Variants in BRWD1 observed in about 807,000 individuals in gnomAD.
The protein encoded by BRWD1 is bromodomain and WD repeat domain containing 1.
Under a neutral mutation model 251.2 loss-of-function variants are expected in BRWD1, and 82 were observed. The observed-to-expected ratio is 0.33, with a 90% CI of 0.27 to 0.39. The LOEUF is 0.39. Among genes scored for constraint, BRWD1 ranks in the 10% least tolerant of loss-of-function variants. The pLI is 1.00. For missense variants in BRWD1, 2,233 were observed against 2,711.6 expected (o/e 0.82, Z 3.92); for synonymous variants, 918 against 902.8 (o/e 1.02, Z -0.30).
At position 39,265,619 on chromosome 21, in the gene BRWD1, T is replaced by C. The variant is rs1185309159; in HGVS notation, c.1531-600A>G. The stretch of plus-strand genomic sequence containing the variant: ...AAGTGAAGGCTTCTTTTACTTCTTA[T>C]AAACAATTTCATAAATTTTTGTCTT... On this transcript the variant is annotated intron_variant, in intron 15 of 40. Transcript: ENST00000342449. Among the ~76,000 whole-genome samples, 6 of 152,250 alleles carry C rather than the reference T, an allele frequency of 3.9e-5. No individual in the cohort carries two copies. The East Asian group carries it at 9.6e-4, about 24-fold the overall frequency.
intron 40 of BRWD1, among the ~76,000 whole-genome samples, chr21:39,197,726 A>C (rs2031897719): frequency 6.6e-6 from 1 of 152,232 alleles, no homozygotes; most frequent in African/African-American, 2.4e-5. Context: ...CCTGTATGAC[A>C]TGCTACTGTT....
At chr21:39,233,969 G>A (rs985752980) in intron 23 of BRWD1, among the ~76,000 whole-genome samples, 1 of 152,174 alleles carries the variant, frequency 6.6e-6, no homozygotes, top group Non-Finnish European at 1.5e-5. Flanking sequence ...GCAGTGAGCC[G>A]AGATTGCCCC....
chr21:39,187,040 C>A lies in BRWD1; in HGVS notation c.*9219G>T, dbSNP rs1423833608. The stretch of plus-strand genomic sequence containing the variant: ...TCTCATAGTCACTATTGTGCATTTT[C>A]TTTCCAGGATCTGAACCCCCTTAAA... On this transcript the variant is annotated 3_prime_UTR_variant, in exon 41 of 41. Coordinates refer to ENST00000342449, the MANE Select transcript of BRWD1 (RefSeq NM_033656.4). 6.4e-7 allele frequency: 1 copy of A among 1,564,220 alleles called. No individual in the cohort carries two copies. Among genetic ancestry groups the A allele is most frequent in the Non-Finnish European group, 8.6e-7 (1 of 1,161,866 alleles).
At chr21:39,214,840 T>C (rs902010493) in intron 32 of BRWD1, among the ~76,000 whole-genome samples, 6 of 151,482 alleles carry the variant, frequency 4.0e-5, no homozygotes, top group Admixed American at 6.6e-5. Flanking sequence ...TAAAAAAGTA[T>C]AGTTCTGAGT....
At chr21:39,288,121 T>C (rs1057105182) in intron 8 of BRWD1, among the ~76,000 whole-genome samples, 2 of 152,154 alleles carry the variant, frequency 1.3e-5, no homozygotes, top group Non-Finnish European at 1.5e-5. Flanking sequence ...AATGGCTTAT[T>C]CACATGGCTA....
chr21:39,242,581 T>A (rs1386893904), intron 21 of BRWD1, among the ~76,000 whole-genome samples: 1 of 152,196 alleles, frequency 6.6e-6, no homozygotes, highest in African/African-American at 2.4e-5. Flanking sequence ...AGATTTTAAA[T>A]GCAGATGAAA....
At chr21:39,311,314 C>A (rs1044137051) in intron 4 of BRWD1, among the ~76,000 whole-genome samples, 7 of 151,986 alleles carry the variant, frequency 4.6e-5, no homozygotes, top group African/African-American at 1.7e-4. Flanking sequence ...ACTACAGGCA[C>A]GCACCACCAC....
At chr21:39,213,580 G>A (rs1171149403) in intron 32 of BRWD1, 27 bp from the exon 33 acceptor site, 1 of 1,456,606 alleles carries the variant, frequency 6.9e-7, no homozygotes, top group Non-Finnish European at 9.5e-7. Context: ...CACTTTAATA[G>A]TATGCAGATG....
In BRWD1 at chr21:39,198,871, G is replaced by C. The variant is rs764826318; in HGVS notation, c.5545C>G (p.Leu1849Val). ...GACATAGCAATAGGGTCACAGTTCA[G>C]ATTTCCTGAAATTGGGTTCATTTCC... Reference protein sequence around the residue: ...KMEMNPISGNLNCDPIAMSQC... With the variant: ...KMEMNPISGNVNCDPIAMSQC... The change falls in exon 40 of 41, where the codon CTG becomes GTG. Residue 1849 changes from leucine to valine, a missense_variant. By Grantham distance (32) the Leu-to-Val change is conservative. This residue lies in a region of BRWD1 where 928 missense variants were observed against 970.0 expected (regional missense o/e 0.96). Transcript: ENST00000342449. 3 of 1,614,100 alleles carry C rather than the reference G, an allele frequency of 1.9e-6. No individual in the cohort carries two copies. In the South Asian group the frequency reaches 3.3e-5, roughly 18 times the overall value.
chr21:39,187,117 A>T lies in BRWD1; in HGVS notation c.*9142T>A, dbSNP rs768212257. ...TAGCTCTTTTTCACTTTCAGAATTTATGGTTGTATCATCCTCTTTATAAAC... is the reference window on the plus strand; with the variant it reads ...TAGCTCTTTTTCACTTTCAGAATTTTTGGTTGTATCATCCTCTTTATAAAC... On this transcript the variant is annotated 3_prime_UTR_variant, in exon 41 of 41. Coordinates refer to ENST00000342449, the MANE Select transcript of BRWD1 (RefSeq NM_033656.4). 6.2e-7 allele frequency: 1 copy of T among 1,609,640 alleles called. No individual in the cohort carries two copies. Among genetic ancestry groups the T allele is most frequent in the Admixed American group, 1.7e-5 (1 of 59,050 alleles).
Position 39,213,540 on chromosome 21 carries a change from T to A in BRWD1, c.3799A>T (p.Thr1267Ser). ...LLKFIKNQHCTNISELSNTSE... is the reference protein window; with the variant it reads ...LLKFIKNQHCSNISELSNTSE... ...GTGTTAGAAAGTTCTGAGATATTTG[T>A]ACAGTGTTGATTCCTAAAAAACAAA... The change falls in exon 33 of 41, where the codon ACA becomes TCA. Residue 1267 changes from threonine to serine, a missense_variant. Around this residue, in one of 12 missense-constraint regions of BRWD1, gnomAD observed 167 missense variants for 183.2 expected, o/e 0.91. Transcript: ENST00000342449. The A allele has an allele frequency of 1.9e-6, 3 of 1,610,828 alleles. No individual in the cohort carries two copies. Among genetic ancestry groups the A allele is most frequent in the Non-Finnish European group, 2.5e-6 (3 of 1,178,398 alleles).
intron 23 of BRWD1, among the ~76,000 whole-genome samples, chr21:39,233,945 G>A (rs1000330008): frequency 5.9e-5 from 9 of 152,168 alleles, no homozygotes; most frequent in African/African-American, 9.7e-5. Context: ...GCTTGAACAC[G>A]GGAGGTGGAG....
At position 39,195,742 on chromosome 21, in the gene BRWD1, G is replaced by GA. The variant is rs35266341; in HGVS notation, c.*516dup. On this transcript the variant is annotated 3_prime_UTR_variant, in exon 41 of 41. Transcript: ENST00000342449. ...CATTCTACTCAAGTAGCCAGGGGAA[G>GA]AAAAAAAAAAAAGTGGTAGGTACCT... 17,353 of 806,646 alleles carry GA rather than the reference G, an allele frequency of 0.022. 56 individuals are homozygous for GA. The highest frequency in any genetic ancestry group is 0.059 in the African/African-American group (3,160 of 53,406). The allele number at this position is 806,646 out of a possible 1,614,324, so 50.0% of individuals were successfully genotyped here. A position where few individuals can be genotyped will look rare whatever the true frequency, so the allele number is the denominator to read the frequency against.
Position 39,269,954 on chromosome 21 carries a change from C to T in BRWD1, c.1475G>A (p.Ser492Asn). 13 of 1,578,036 alleles carry T rather than the reference C, an allele frequency of 8.2e-6. No individual in the cohort carries two copies. Among genetic ancestry groups the T allele is most frequent in the Non-Finnish European group, 1.1e-5 (13 of 1,160,498 alleles). ...RIMLSAGHDG[S>N]IFIWDITKGT... is the part of the protein sequence containing the mutation. ...TTTTGTAATATCCCATATAAATATG[C>T]TGCCATCATGTCCTGCAGATAACAT... is the stretch of plus-strand genomic sequence containing the variant. The change falls in exon 15 of 41, where the codon AGC (serine) becomes AAC (asparagine). Residue 492 changes from serine to asparagine, a missense_variant. By Grantham distance (46) the Ser-to-Asn change is conservative (BLOSUM62 1). This residue lies in a region of BRWD1 where 315 missense variants were observed against 421.8 expected (regional missense o/e 0.75). Coordinates refer to ENST00000342449, the MANE Select transcript of BRWD1 (RefSeq NM_033656.4).
At chr21:39,251,421 G>A (rs986299381) in intron 19 of BRWD1, among the ~76,000 whole-genome samples, 2 of 151,896 alleles carry the variant, frequency 1.3e-5, no homozygotes, top group Admixed American at 6.6e-5. Context: ...TTTCTTCTCT[G>A]GAAAAGACTG....
intron 35 of BRWD1, 148 bp from the exon 36 acceptor site, chr21:39,210,295 G>T (rs1373859182): frequency 9.2e-6 from 6 of 648,860 alleles, no homozygotes; most frequent in African/African-American, 7.3e-5. Flanking sequence ...TTAAAAAGAG[G>T]TATAAAAACA....
chr21:39,309,371 T>C (rs764667311), intron 4 of BRWD1, among the ~76,000 whole-genome samples: 32 of 149,580 alleles, frequency 2.1e-4, no homozygotes, highest in Non-Finnish European at 4.0e-4. Context: ...GGTGGGAAGA[T>C]TGCTTGAGCC....
intron 27 of BRWD1, among the ~76,000 whole-genome samples, chr21:39,226,605 C>T (rs1429578846): frequency 6.6e-6 from 1 of 152,176 alleles, no homozygotes; most frequent in East Asian, 1.9e-4. Context: ...TGGAACACAA[C>T]TATACAACCT....
At chr21:39,226,431 C>G (rs1446008347) in intron 27 of BRWD1, among the ~76,000 whole-genome samples, 1 of 152,084 alleles carries the variant, frequency 6.6e-6, no homozygotes, top group Non-Finnish European at 1.5e-5. Context: ...AAAAATAAAA[C>G]AAAAACCACT....
Sources: allele counts gnomAD v4.1 joint callset (sites outside exome capture counted in the v4.1 genomes callset), GRCh38; gene constraint gnomAD v4.1.1; regional missense constraint gnomAD v4.1.1; transcripts MANE v1.5; gene names NCBI Gene and HGNC (gene_info 2026-07-23, HGNC 2026-07-21).